PCDH15: variants seen among roughly 807,000 people sequenced by gnomAD.
The protein encoded by PCDH15 is protocadherin-15.
PCDH15 carries 129 observed loss-of-function variants against 178.5 expected under a neutral mutation model. The ratio of observed to expected loss-of-function variants is 0.72; its 90% CI spans 0.63 to 0.84. The LOEUF (loss-of-function observed/expected upper bound fraction) is 0.84. Ranked by LOEUF, PCDH15 falls within the 40% of genes least tolerant of loss-of-function variation. The pLI is 0.00. For missense variants in PCDH15, 2,230 were observed against 2,099.9 expected (o/e 1.06, Z -1.21); for synonymous variants, 800 against 732.0 (o/e 1.09, Z -1.50).
chr10:55,166,607 G>A lies in PCDH15; in HGVS notation c.-111C>T, dbSNP rs1839204165. ...GTCGTGTCCTTTTGTCAACCTCTAG[G>A]TCTGTCAACTTCAACTGTTTCTAGG... On this transcript the variant is annotated 5_prime_UTR_variant, in exon 2 of 6. Transcript: ENST00000458638. 9 of 152,164 alleles carry A rather than the reference G, an allele frequency of 5.9e-5. No homozygotes were observed. In the South Asian group the frequency reaches 1.9e-3, roughly 32 times the overall value. The allele number at this position is 152,164 out of a possible 1,614,324, so 9.4% of individuals were successfully genotyped here.
intron 1 of PCDH15, among the ~76,000 whole-genome samples, chr10:55,217,699 T>A (rs1840746008): frequency 6.6e-6 from 1 of 151,900 alleles, no homozygotes; most frequent in Non-Finnish European, 1.5e-5. Flanking sequence ...TAAAGATGAT[T>A]ACAAGATACT....
intron 1 of PCDH15, among the ~76,000 whole-genome samples, chr10:55,298,384 T>C (rs182192644): frequency 6.6e-6 from 1 of 152,342 alleles, no homozygotes; most frequent in East Asian, 1.9e-4. Flanking sequence ...AAAGGACATA[T>C]GAAAGAGTTT....
At chr10:53,965,225 T>A (rs1459076340) in intron 21 of PCDH15, among the ~76,000 whole-genome samples, 1 of 151,852 alleles carries the variant, frequency 6.6e-6, no homozygotes, top group Non-Finnish European at 1.5e-5. Context: ...GCCCGGCTAA[T>A]TTTTTTCTAT....
intron 23 of PCDH15, among the ~76,000 whole-genome samples, chr10:53,944,156 G>A (rs1426569527): frequency 6.6e-6 from 1 of 152,110 alleles, no homozygotes; most frequent in African/African-American, 2.4e-5. Context: ...TGTAACTACT[G>A]TACAATAATT....
Position 54,506,417 on chromosome 10 carries a change from G to GT in PCDH15, c.157+21394dup, listed in dbSNP as rs940206575. On this transcript the variant is annotated intron_variant, in intron 3 of 37. Coordinates refer to ENST00000644397, the MANE Select transcript of PCDH15 (RefSeq NM_001384140.1). ...CTCAATTTTAGAGTTTTTGAGATGA[G>GT]TTTTTTTTTGAGAAATTAACATTAA... is the stretch of plus-strand genomic sequence containing the variant. Among the ~76,000 whole-genome samples, 255 of 151,098 alleles carry GT rather than the reference G, an allele frequency of 1.7e-3. 1 individual carries two copies. The highest frequency in any genetic ancestry group is 5.1e-3 in the African/African-American group (209 of 41,258).
intron 1 of PCDH15, among the ~76,000 whole-genome samples, chr10:54,763,171 G>T (rs1490629342): frequency 1.3e-5 from 2 of 152,062 alleles, no homozygotes; most frequent in African/African-American, 4.8e-5. Flanking sequence ...CCAGGTGGTT[G>T]GTAGAGATAA....
intron 3 of PCDH15, among the ~76,000 whole-genome samples, chr10:54,406,803 G>A (rs1272011515): frequency 2.6e-5 from 4 of 152,066 alleles, no homozygotes; most frequent in Non-Finnish European, 4.4e-5. Flanking sequence ...AAACTACAAA[G>A]TATTTAGAAG....
rs1199771555 is a variant in PCDH15, at chr10:54,450,153, ATATATT to A, written c.158-71217_158-71212del. Among the ~76,000 whole-genome samples, 685 of 126,176 alleles carry A rather than the reference ATATATT, an allele frequency of 5.4e-3. 3 individuals carry two copies. Among genetic ancestry groups the A allele is most frequent in the African/African-American group, 0.014 (536 of 37,466 alleles). The allele number at this position is 126,176 out of a possible 152,430, so 82.8% of individuals were successfully genotyped here. A position where few individuals can be genotyped will look rare whatever the true frequency, so the allele number is the denominator to read the frequency against. Reference sequence around the variant, plus strand: ...TAAATATATATATATATATATATATATATATTATACTTTAAGTTCTAGGGTACATGT... The same window carrying A: ...TAAATATATATATATATATATATATAATACTTTAAGTTCTAGGGTACATGT... On this transcript the variant is annotated intron_variant, in intron 3 of 37. Coordinates refer to ENST00000644397, the MANE Select transcript of PCDH15 (RefSeq NM_001384140.1).
rs2081902469 is a variant in PCDH15, at chr10:53,895,686, T to C, written c.3501+7557A>G. ...TGCTATTTTTGCAGTTAAGACAACA[T>C]GCAATAAACTGGAAAAATTAGTTAA... On this transcript the variant is annotated intron_variant, in intron 26 of 37. Transcript: ENST00000644397. 2.0e-5 allele frequency among the ~76,000 whole-genome samples: 3 copies of C among 152,210 alleles called. No individual in the cohort carries two copies. In the South Asian group the frequency reaches 6.2e-4, roughly 32 times the overall value.
intron 2 of PCDH15, among the ~76,000 whole-genome samples, chr10:54,989,269 G>T (rs1839446201): frequency 6.6e-6 from 1 of 152,148 alleles, no homozygotes; most frequent in African/African-American, 2.4e-5. Flanking sequence ...GGGATATGTG[G>T]GGTCAGAGCC....
chr10:54,710,729 A>G (rs912549718), intron 1 of PCDH15, among the ~76,000 whole-genome samples: 5 of 152,064 alleles, frequency 3.3e-5, no homozygotes, highest in African/African-American at 7.2e-5. Context: ...TTTAGCAGGA[A>G]AAAATGAACA....
chr10:54,748,880 G>C (rs61854090), intron 1 of PCDH15, among the ~76,000 whole-genome samples: 1 of 152,140 alleles, frequency 6.6e-6, no homozygotes, highest in Non-Finnish European at 1.5e-5. Flanking sequence ...GATAAGACGC[G>C]TTGCTCCCTT....
At chr10:54,522,119 A>G (rs1589870264) in intron 3 of PCDH15, among the ~76,000 whole-genome samples, 1 of 149,564 alleles carries the variant, frequency 6.7e-6, no homozygotes, top group Admixed American at 6.7e-5. Context: ...AAGGAATAAA[A>G]TTATCTGTGA....
chr10:55,317,322 A>G (rs967305850), intron 1 of PCDH15, among the ~76,000 whole-genome samples: 7 of 152,202 alleles, frequency 4.6e-5, no homozygotes, highest in Admixed American at 2.6e-4. Flanking sequence ...TCTTTTAATC[A>G]CAAATGTATT....
chr10:54,789,305 G>A (rs1951177826), intron 1 of PCDH15, among the ~76,000 whole-genome samples: 1 of 151,750 alleles, frequency 6.6e-6, no homozygotes, highest in South Asian at 2.1e-4. Flanking sequence ...CCTATGACTT[G>A]CTGAGAAGCT....
At chr10:53,862,027 T>C (rs1309592687) in intron 27 of PCDH15, among the ~76,000 whole-genome samples, 1 of 152,120 alleles carries the variant, frequency 6.6e-6, no homozygotes, top group Non-Finnish European at 1.5e-5. Flanking sequence ...TCAGTTATAC[T>C]ACAATCTATT....
intron 1 of PCDH15, among the ~76,000 whole-genome samples, chr10:54,744,640 T>C (rs1945231827): frequency 6.6e-6 from 1 of 152,118 alleles, no homozygotes; most frequent in Non-Finnish European, 1.5e-5. Flanking sequence ...AGAAAACTTA[T>C]AGAATGTATG....
chr10:55,474,664 G>T (rs758795865), intron 2 of PCDH15, among the ~76,000 whole-genome samples: 7 of 152,146 alleles, frequency 4.6e-5, no homozygotes, highest in African/African-American at 1.4e-4. Context: ...GGAAAACAAT[G>T]AGAAGATGTC....
At chr10:55,568,457 T>C (rs1164598452) in intron 2 of PCDH15, among the ~76,000 whole-genome samples, 1 of 151,976 alleles carries the variant, frequency 6.6e-6, no homozygotes, top group African/African-American at 2.4e-5. Context: ...AGATTGACAA[T>C]AATGACGACT....
Sources: gnomAD v4.1 joint callset for allele counts (sites outside exome capture counted in the v4.1 genomes callset) on GRCh38, gnomAD v4.1.1 for gene constraint, MANE v1.5 for transcripts, NCBI Gene and HGNC (gene_info 2026-07-23, HGNC 2026-07-21) for gene names.